The following PCM1 variants were observed in gnomAD, a reference collection of about 807,000 sequenced individuals.
The protein encoded by PCM1 is pericentriolar material 1.
A neutral mutation model predicts 241.9 loss-of-function variants in PCM1; 157 were observed. That is an observed-to-expected ratio of 0.65 (90% CI 0.57 to 0.74). The LOEUF is 0.74. Ranked by LOEUF, PCM1 falls within the 30% of genes least tolerant of loss-of-function variation. The probability of loss-of-function intolerance (pLI) is 0.00; values close to 1 mark genes in which losing one functional copy is unlikely to be tolerated. For missense variants in PCM1, 3,478 were observed against 2,360.1 expected, an observed-to-expected ratio of 1.47 and a Z score of -9.81; for synonymous variants, 1,085 against 784.9, an observed-to-expected ratio of 1.38 and a Z score of -6.39.
At chr8:17,963,437 C>A in intron 17 of PCM1, 146 bp downstream of exon 17, 1 of 564,428 alleles carries the variant, frequency 1.8e-6, no homozygotes, top group South Asian at 2.7e-5. Flanking sequence ...CTTTGTGACC[C>A]AGTTTAATTG....
intron 6 of PCM1, 73 bp downstream of exon 6, chr8:17,939,934 A>G (rs1586027167): frequency 9.0e-7 from 1 of 1,110,728 alleles, no homozygotes; most frequent in Non-Finnish European, 1.3e-6. Flanking sequence ...TGACATTCTG[A>G]TGCCACCCCA....
At chr8:17,949,499 T>TC (rs2065176598) in intron 7 of PCM1, among the ~76,000 whole-genome samples, 2 of 146,338 alleles carry the variant, frequency 1.4e-5, no homozygotes, top group African/African-American at 5.4e-5. Flanking sequence ...TTTTTCTTTA[T>TC]CTTTTTTTTT....
intron 9 of PCM1, among the ~76,000 whole-genome samples, chr8:17,953,887 C>G (rs906486745): frequency 6.6e-6 from 1 of 152,186 alleles, no homozygotes; most frequent in African/African-American, 2.4e-5. Context: ...CAACTTCCAA[C>G]TAGTCTTTAA....
intron 29 of PCM1, among the ~76,000 whole-genome samples, chr8:17,995,596 G>C (rs1176663430): frequency 6.6e-6 from 1 of 151,156 alleles, no homozygotes; most frequent in African/African-American, 2.5e-5. Context: ...TTTTTTCTCT[G>C]TGAAGAATGT....
chr8:17,943,180 A>T (rs114678180), intron 6 of PCM1, among the ~76,000 whole-genome samples: 21 of 131,686 alleles, frequency 1.6e-4, no homozygotes, highest in Middle Eastern at 3.8e-3. Context: ...GGTTTGTTGT[A>T]TTTTTTTTTT....
intron 23 of PCM1, among the ~76,000 whole-genome samples, chr8:17,976,764 G>A (rs1218648626): frequency 6.6e-6 from 1 of 151,724 alleles, no homozygotes; most frequent in African/African-American, 2.4e-5. Flanking sequence ...TGGTGAAGTG[G>A]CATAGGCGAT....
chr8:17,924,802 T>C (rs1425992033), intron 2 of PCM1, 22 bp downstream of exon 2: 1 of 152,196 alleles, frequency 6.6e-6, no homozygotes, highest in African/African-American at 2.4e-5. Flanking sequence ...TTATTATCTG[T>C]ATTATCCTTT....
At position 18,027,857 on chromosome 8, in the gene PCM1, A is replaced by G. The variant is rs369503634; in HGVS notation, c.*195A>G. ...TCTGGACAGATTTAAGCCTTGACAC[A>G]CTGTGTTTTTTTTTTTTTCCCCCTT... On this transcript the variant is annotated 3_prime_UTR_variant, in exon 39 of 39. Transcript: ENST00000325083. The G allele has an allele frequency of 1.1e-4, 43 of 396,826 alleles. 1 individual carries two copies. Among genetic ancestry groups the G allele is most frequent in the East Asian group, 8.3e-4 (23 of 27,602 alleles). 24.6% of individuals were successfully genotyped at this position (396,826 alleles called of 1,614,324 possible). A position where few individuals can be genotyped will look rare whatever the true frequency, so the allele number is the denominator to read the frequency against.
At chr8:17,962,689 A>G (rs2129468372) in intron 16 of PCM1, among the ~76,000 whole-genome samples, 1 of 152,234 alleles carries the variant, frequency 6.6e-6, no homozygotes, top group East Asian at 1.9e-4. Flanking sequence ...TCATGAGGTC[A>G]GGTATTCAAG....
At chr8:17,949,127 G>A (rs2065029691) in intron 7 of PCM1, among the ~76,000 whole-genome samples, 1 of 152,128 alleles carries the variant, frequency 6.6e-6, no homozygotes, top group Non-Finnish European at 1.5e-5. Context: ...GGAGTATAAT[G>A]CACATGAGTT....
intron 24 of PCM1, among the ~76,000 whole-genome samples, chr8:17,983,504 AGTG>A (rs2081624029): frequency 6.6e-6 from 1 of 152,188 alleles, no homozygotes; most frequent in African/African-American, 2.4e-5. Context: ...ATATTCTGTT[AGTG>A]TATGTAACCT....
chr8:17,962,267 T>G, intron 16 of PCM1, 93 bp downstream of exon 16: 1 of 1,063,822 alleles, frequency 9.4e-7, no homozygotes. Flanking sequence ...GGAAACTGAA[T>G]ATCCTTGAAA....
At position 18,025,387 on chromosome 8, in the gene PCM1, A is replaced by G. The variant is rs748907690; in HGVS notation, c.5868A>G (p.Gln1956=). 4.4e-6 allele frequency: 7 copies of G among 1,602,422 alleles called. No homozygotes were observed. In the Admixed American group the frequency reaches 8.4e-5, roughly 19 times the overall value. ...DYEAESGNIS[Q]KSDEEDFVKV... ...AAGCAGAATCTGGTAATATAAGTCA[A>G]AAGTCTGATGAAGAAGATTTTGTAA... The change falls in exon 37 of 39, where the codon CAA becomes CAG. Residue 1956 remains glutamine, a synonymous_variant. Transcript: ENST00000325083.
Position 17,956,746 on chromosome 8 carries a change from C to A in PCM1, c.1615C>A (p.His539Asn), listed in dbSNP as rs563543166. Residue 539 changes from histidine to asparagine, a missense_variant, in exon 11 of 39, where the codon CAT becomes AAT. His to Asn is a moderately conservative substitution (Grantham distance 68). Transcript: ENST00000325083. Reference sequence around the variant, plus strand: ...TGAAGAGTCAGAATATGATTCTGAGCATGAAAATTCCGAGCCTGTTACTAA... The same window carrying A: ...TGAAGAGTCAGAATATGATTCTGAGAATGAAAATTCCGAGCCTGTTACTAA... The part of the protein sequence containing the change: ...ETEESEYDSE[H>N]ENSEPVTNIR... The A allele has an allele frequency of 3.1e-6, 5 of 1,607,882 alleles. No homozygotes were observed. In the Admixed American group the frequency reaches 5.1e-5, roughly 16 times the overall value.
At chr8:17,945,539 A>G (rs923921949) in intron 6 of PCM1, among the ~76,000 whole-genome samples, 3 of 152,172 alleles carry the variant, frequency 2.0e-5, no homozygotes, top group African/African-American at 7.2e-5. Context: ...ACTTTCTTGA[A>G]TATTTAACTC....
At chr8:17,993,351 T>A in intron 28 of PCM1, 132 bp from the exon 29 acceptor site, 1 of 551,882 alleles carries the variant, frequency 1.8e-6, no homozygotes, top group Non-Finnish European at 2.9e-6. Context: ...GTGCTTAAAC[T>A]ACAAACATGT....
In PCM1 at chr8:17,924,281, T is replaced by C. The variant is rs1349516273; in HGVS notation, c.-90-432T>C. On this transcript the variant is annotated intron_variant, in intron 1 of 38. Coordinates refer to ENST00000325083, the MANE Select transcript of PCM1 (RefSeq NM_006197.4). ...GAATTGAAGGTAAACCTGGTATTTA[T>C]GTAGTGACGAGGTTATTTTATTATG... Among the ~76,000 whole-genome samples, 3 of 152,364 alleles carry C rather than the reference T, an allele frequency of 2.0e-5. No individual in the cohort carries two copies. The East Asian group carries it at 5.8e-4, about 29-fold the overall frequency.
chr8:17,990,942 A>G (rs554593995), intron 27 of PCM1, among the ~76,000 whole-genome samples: 1 of 152,226 alleles, frequency 6.6e-6, no homozygotes, highest in Non-Finnish European at 1.5e-5. Flanking sequence ...CATTACAGAG[A>G]AAAATTACTG....
At chr8:18,025,329 A>T in intron 36 of PCM1, 32 bp from the exon 37 acceptor site, 1 of 1,107,642 alleles carries the variant, frequency 9.0e-7, no homozygotes, top group Non-Finnish European at 1.4e-6. Flanking sequence ...TTGGATCTAG[A>T]GTATGTATTT....
Sources: allele counts gnomAD v4.1 joint callset (sites outside exome capture counted in the v4.1 genomes callset), GRCh38; gene constraint gnomAD v4.1.1; transcripts MANE v1.5; gene names NCBI Gene and HGNC (gene_info 2026-07-23, HGNC 2026-07-21).